DRAXIN: variants seen among roughly 807,000 people sequenced by gnomAD.
DRAXIN encodes the protein dorsal inhibitory axon guidance protein, also known as dorsal repulsive axon guidance protein.
A neutral mutation model predicts 33.9 loss-of-function variants in DRAXIN; 27 were observed. That is an observed-to-expected ratio of 0.80 (90% confidence interval 0.59 to 1.10). DRAXIN has a LOEUF of 1.10. Among genes scored for constraint, DRAXIN ranks in the 50% least tolerant of loss-of-function variants. The probability of loss-of-function intolerance (pLI) is 0.00; values close to 1 mark genes in which losing one functional copy is unlikely to be tolerated. For missense variants in DRAXIN, 371 were observed against 460.8 expected, an observed-to-expected ratio of 0.81 and a Z score of 1.78; for synonymous variants, 178 against 194.0, an observed-to-expected ratio of 0.92 and a Z score of 0.69.
intron 1 of DRAXIN, among the ~76,000 whole-genome samples, chr1:11,697,185 C>T (rs1162787046): frequency 6.6e-6 from 1 of 152,218 alleles, no homozygotes; most frequent in Non-Finnish European, 1.5e-5. Flanking sequence ...AGGGCCCTCC[C>T]ATGGGTCAGC....
intron 6 of DRAXIN, among the ~76,000 whole-genome samples, chr1:11,718,397 T>A (rs894585159): frequency 4.0e-5 from 6 of 151,544 alleles, no homozygotes; most frequent in African/African-American, 7.3e-5. Context: ...TAAAAAAAAA[T>A]TTAATAACCT....
At chr1:11,711,987 T>A in intron 4 of DRAXIN, 22 bp downstream of exon 4, 1 of 1,599,334 alleles carries the variant, frequency 6.3e-7, no homozygotes, top group Non-Finnish European at 8.5e-7. Flanking sequence ...TACCCCACTA[T>A]CTTCCATGCC....
rs1340150675 is a variant in DRAXIN at position 11,706,116 on chromosome 1, G to A, written c.-10-133G>A. 7.0e-6 allele frequency: 6 copies of A among 861,262 alleles called. No homozygotes were observed. In the East Asian group the frequency reaches 1.6e-4, roughly 23 times the overall value. 53.4% of individuals were successfully genotyped at this position (861,262 alleles called of 1,614,324 possible). A position where few individuals can be genotyped will look rare whatever the true frequency, so the allele number is the denominator to read the frequency against. ...TTTTGACAACTAAAATATGTCTTCG[G>A]GCATTGCCAAATGTCACTGGGAGCA... On this transcript the variant is annotated intron_variant, in intron 1 of 6. Transcript: ENST00000294485. The surrounding 1 kb of genome is among the most constrained non-coding windows in gnomAD (Gnocchi z 5.5).
intron 6 of DRAXIN, 34 bp from the exon 7 acceptor site, chr1:11,719,550 G>A (rs1049782462): frequency 1.9e-6 from 3 of 1,569,104 alleles, no homozygotes; most frequent in Non-Finnish European, 1.7e-6. Flanking sequence ...CGGGCCCTTC[G>A]CGCCTCTGAC....
At chr1:11,700,220 A>G (rs1322639216) in intron 1 of DRAXIN, among the ~76,000 whole-genome samples, 1 of 152,218 alleles carries the variant, frequency 6.6e-6, no homozygotes, top group Non-Finnish European at 1.5e-5. Context: ...ACACAGCGAG[A>G]CTCTGTTTCA....
chr1:11,712,519 G>A (rs1375473637), intron 5 of DRAXIN, 90 bp downstream of exon 5: 36 of 1,291,690 alleles, frequency 2.8e-5, no homozygotes, highest in Non-Finnish European at 1.3e-5. Flanking sequence ...TGCAGGACCT[G>A]AGAATCCTTG....
upstream of DRAXIN, among the ~76,000 whole-genome samples, chr1:11,687,795 T>C (rs1009217218): frequency 6.6e-6 from 1 of 152,234 alleles, no homozygotes; most frequent in Non-Finnish European, 1.5e-5. The surrounding 1 kb of genome is among the most constrained non-coding windows in gnomAD (Gnocchi z 4.1). Context: ...AATCACATAT[T>C]GATACTTCAT....
intron 1 of DRAXIN, among the ~76,000 whole-genome samples, chr1:11,699,928 A>G (rs1041818673): frequency 9.1e-5 from 13 of 143,402 alleles, no homozygotes; most frequent in Admixed American, 2.8e-4. Context: ...CTCACTCTCA[A>G]TAAATAAATA....
chr1:11,706,210 G>A lies in DRAXIN; in HGVS notation c.-10-39G>A. 6.8e-7 allele frequency: 1 copy of A among 1,480,516 alleles called. No homozygotes were observed. Among genetic ancestry groups the A allele is most frequent in the East Asian group, 2.4e-5 (1 of 41,514 alleles). 91.7% of individuals were successfully genotyped at this position (1,480,516 alleles called of 1,614,324 possible). On this transcript the variant is annotated intron_variant, in intron 1 of 6. Transcript: ENST00000294485. The surrounding 1 kb of genome is among the most constrained non-coding windows in gnomAD (Gnocchi z 5.5). ...TTTGAGTGAGGGGCAGCAGAGAGAGGCCTGGGGCTGCGCATTCATGGTGTT... is the reference window on the plus strand; with the variant it reads ...TTTGAGTGAGGGGCAGCAGAGAGAGACCTGGGGCTGCGCATTCATGGTGTT...
At chr1:11,702,500 G>A (rs1280782677) in intron 1 of DRAXIN, among the ~76,000 whole-genome samples, 2 of 147,134 alleles carry the variant, frequency 1.4e-5, no homozygotes, top group Admixed American at 1.4e-4. Flanking sequence ...GCTCTCACAT[G>A]ATCATAGTAT....
chr1:11,689,531 G>T (rs1641023729), upstream of DRAXIN, among the ~76,000 whole-genome samples: 1 of 152,128 alleles, frequency 6.6e-6, no homozygotes, highest in Non-Finnish European at 1.5e-5. Flanking sequence ...GGGAGGTGGA[G>T]GTTGCAGTGA....
chr1:11,686,997 T>TCA (rs1640969019), upstream of DRAXIN, among the ~76,000 whole-genome samples: 1 of 152,158 alleles, frequency 6.6e-6, no homozygotes, highest in African/African-American at 2.4e-5. Flanking sequence ...CCAAAGTGTG[T>TCA]TGCCAGGTAC....
At chr1:11,717,661 C>CAA (rs34363083) in intron 6 of DRAXIN, among the ~76,000 whole-genome samples, 55,686 of 123,458 alleles carry the variant, frequency 0.45, 13,845 homozygotes, top group African/African-American at 0.71. Context: ...GACTCCGTCT[C>CAA]AAAAAAAAAA....
chr1:11,702,304 G>C (rs1641304005), intron 1 of DRAXIN, among the ~76,000 whole-genome samples: 1 of 148,250 alleles, frequency 6.7e-6, no homozygotes, highest in Non-Finnish European at 1.5e-5. Flanking sequence ...CATGCTCACA[G>C]CACACACACA....
At chr1:11,691,542 A>G (rs1570300864), upstream of DRAXIN, 1 of 151,180 alleles carries the variant, frequency 6.6e-6, no homozygotes, top group East Asian at 2.0e-4. Context: ...CTGGCCCAGA[A>G]CTCAGAGCGC....
rs1421896447 is a variant in DRAXIN at position 11,721,499 on chromosome 1, T to C, written c.*1803T>C. ...TCCTCACTGGCCTGGATCACGCCCATAAGATGCCAGAGATGTTTACTGCGT... is the reference window on the plus strand; with the variant it reads ...TCCTCACTGGCCTGGATCACGCCCACAAGATGCCAGAGATGTTTACTGCGT... On this transcript the variant is annotated 3_prime_UTR_variant, in exon 7 of 7. Transcript: ENST00000294485. 1.3e-5 allele frequency: 2 copies of C among 152,184 alleles called. No individual in the cohort carries two copies. The highest frequency in any genetic ancestry group is 2.9e-5 in the Non-Finnish European group (2 of 68,054). The allele number at this position is 152,184 out of a possible 1,614,324, so 9.4% of individuals were successfully genotyped here.
intron 2 of DRAXIN, among the ~76,000 whole-genome samples, chr1:11,707,798 C>G (rs1385806373): frequency 2.6e-5 from 4 of 152,208 alleles, no homozygotes; most frequent in Admixed American, 2.6e-4. Flanking sequence ...CTCCCCGTGC[C>G]CATTCAGTCT....
At position 11,719,828 on chromosome 1, in the gene DRAXIN, C is replaced by A; in HGVS notation, c.*132C>A. 1.2e-6 allele frequency: 1 copy of A among 846,292 alleles called. No homozygotes were observed. Among genetic ancestry groups the A allele is most frequent in the Non-Finnish European group, 1.9e-6 (1 of 531,624 alleles). 52.4% of individuals were successfully genotyped at this position (846,292 alleles called of 1,614,324 possible). A position where few individuals can be genotyped will look rare whatever the true frequency, so the allele number is the denominator to read the frequency against. ...CAGACTCAGGCCCAGGACACTCAAC[C>A]CCAGGAGGGGAGCCGCTCGGCGAAT... On this transcript the variant is annotated 3_prime_UTR_variant, in exon 7 of 7. Transcript: ENST00000294485.
In DRAXIN at chr1:11,711,931, A is replaced by G. The variant is rs17037327; in HGVS notation, c.723A>G (p.Leu241=). The G allele has an allele frequency of 0.13, 214,969 of 1,613,358 alleles. 14,857 individuals are homozygous for G. The highest frequency in any genetic ancestry group is 0.14 in the Non-Finnish European group (167,563 of 1,179,608). ...TCGACTGGACCGATTATGAAGACTT[A>G]AAACCTGATGGTTGGCCCTCTGCAA... ...ALFDWTDYED[L]KPDGWPSAKK... The change falls in exon 4 of 7, where the codon TTA becomes TTG. Residue 241 remains leucine (L), a synonymous_variant. Transcript: ENST00000294485.
Sources: gnomAD v4.1 joint callset for allele counts (sites outside exome capture counted in the v4.1 genomes callset) on GRCh38, gnomAD v4.1.1 for gene constraint, Gnocchi (gnomAD v3.1) non-coding constraint, MANE v1.5 for transcripts, NCBI Gene and HGNC (gene_info 2026-07-23, HGNC 2026-07-21) for gene names.